Variants in SNRNP70 observed in about 807,000 individuals in gnomAD.
SNRNP70 encodes small nuclear ribonucleoprotein U1 subunit 70, also known as U1 small nuclear ribonucleoprotein 70 kDa.
Under a neutral mutation model 50.5 loss-of-function variants are expected in SNRNP70, and 8 were observed. That is an observed-to-expected ratio of 0.16 (90% CI 0.09 to 0.29). The LOEUF (loss-of-function observed/expected upper bound fraction) is 0.29, where lower values mean the gene tolerates loss of function less well. SNRNP70 is among the 10% of genes least tolerant of loss of function. The pLI is 1.00. For missense variants in SNRNP70, 529 were observed against 663.5 expected (o/e 0.80, Z 2.23); for synonymous variants, 320 against 252.9 (o/e 1.27, Z -2.52).
chr19:49,107,749 G>A lies in SNRNP70; in HGVS notation c.665+37G>A, dbSNP rs369870893. 2.0e-5 allele frequency: 32 copies of A among 1,612,530 alleles called. No homozygotes were observed. Among genetic ancestry groups the A allele is most frequent in the Middle Eastern group, 3.3e-4 (2 of 6,056 alleles). On this transcript the variant is annotated intron_variant, in intron 9 of 9. Coordinates refer to ENST00000598441, the MANE Select transcript of SNRNP70 (RefSeq NM_003089.6). The surrounding 1 kb of genome is among the most constrained non-coding windows in gnomAD (Gnocchi z 6.0). Reference sequence around the variant, plus strand: ...CGACCGGTGTCCTGGGGTGGGGGGCGGTCACGGGGGGAGCCCAGCCACACA... The same window carrying A: ...CGACCGGTGTCCTGGGGTGGGGGGCAGTCACGGGGGGAGCCCAGCCACACA...
At chr19:49,096,084 T>G (rs544683868) in intron 4 of SNRNP70, among the ~76,000 whole-genome samples, 5 of 151,826 alleles carry the variant, frequency 3.3e-5, no homozygotes, top group East Asian at 1.9e-4. Context: ...TTTGTTTTTT[T>G]TTTCGCTTTA....
chr19:49,098,298 C>T, intron 4 of SNRNP70, 129 bp from the exon 5 acceptor site: 1 of 747,298 alleles, frequency 1.3e-6, no homozygotes, highest in Admixed American at 2.3e-5. Flanking sequence ...AGGTCACCAC[C>T]CATGTTCCTC....
chr19:49,098,464 C>T lies in SNRNP70; in HGVS notation c.303C>T (p.Ala101=), dbSNP rs755034140. ...PHNDPNAQGD[A]FKTLFVARVN... ...ATGATCCCAATGCTCAGGGGGATGC[C>T]TTCAAGACTCTCTTCGTGGCGAGAG... The change falls in exon 5 of 10, where the codon GCC becomes GCT. Residue 101 remains alanine, a synonymous_variant. Transcript: ENST00000598441. 14 of 1,613,784 alleles carry T rather than the reference C, an allele frequency of 8.7e-6. No individual in the cohort carries two copies. The highest frequency in any genetic ancestry group is 1.2e-5 in the Non-Finnish European group (14 of 1,179,894).
In SNRNP70 at chr19:49,108,311, T is replaced by G. The variant is rs1600297572; in HGVS notation, c.1182T>G (p.Gly394=). The change falls in exon 10 of 10, where the codon GGT becomes GGG. Residue 394 remains glycine (G), a synonymous_variant. Coordinates refer to ENST00000598441, the MANE Select transcript of SNRNP70 (RefSeq NM_003089.6). ...GSERGRDEAR[G]GGGGQDNGLE... is the part of the protein sequence containing the mutation. ...AGCGGGGCAGGGATGAGGCCCGAGG[T>G]GGGGGCGGTGGCCAGGACAACGGGC... The G allele has an allele frequency of 6.3e-7, 1 of 1,585,298 alleles. No individual in the cohort carries two copies. Among genetic ancestry groups the G allele is most frequent in the Non-Finnish European group, 8.6e-7 (1 of 1,167,164 alleles).
At chr19:49,105,499 C>T (rs895012537) in intron 8 of SNRNP70, among the ~76,000 whole-genome samples, 7 of 151,822 alleles carry the variant, frequency 4.6e-5, no homozygotes, top group African/African-American at 1.2e-4. Context: ...GAGGCCGAGG[C>T]GGGTGGATCA....
At chr19:49,087,681 C>T (rs4802552) in intron 2 of SNRNP70, 52,621 of 152,000 alleles carry the variant, frequency 0.35, 9,626 homozygotes, top group South Asian at 0.46. Context: ...AGCTGGCACA[C>T]AGTCGGAAGT....
At position 49,104,609 on chromosome 19, in the gene SNRNP70, C is replaced by T. The variant is rs1222617824; in HGVS notation, c.476-25C>T. The stretch of plus-strand genomic sequence containing the variant: ...AGGACCCTCTGGGGACTCCTCTCCC[C>T]TCCCCCTCCCCACATCTGTTACAGC... On this transcript the variant is annotated intron_variant, in intron 7 of 9. Coordinates refer to ENST00000598441, the MANE Select transcript of SNRNP70 (RefSeq NM_003089.6). The surrounding 1 kb of genome is among the most constrained non-coding windows in gnomAD (Gnocchi z 5.4). 2 of 1,532,046 alleles carry T rather than the reference C, an allele frequency of 1.3e-6. No homozygotes were observed. Among genetic ancestry groups the T allele is most frequent in the Non-Finnish European group, 8.9e-7 (1 of 1,129,564 alleles). 94.9% of individuals were successfully genotyped at this position (1,532,046 alleles called of 1,614,324 possible). A position where few individuals can be genotyped will look rare whatever the true frequency, so the allele number is the denominator to read the frequency against.
At chr19:49,098,128 A>C (rs891075990) in intron 4 of SNRNP70, among the ~76,000 whole-genome samples, 1 of 152,166 alleles carries the variant, frequency 6.6e-6, no homozygotes, top group Non-Finnish European at 1.5e-5. Context: ...CTTAGGGTTT[A>C]TGTAGGTCTG....
At position 49,098,438 on chromosome 19, in the gene SNRNP70, A is replaced by G; in HGVS notation, c.277A>G (p.Asn93Asp). Reference protein sequence around the residue: ...ETELKMWDPHNDPNAQGDAFK... With the variant: ...ETELKMWDPHDDPNAQGDAFK... ...TTCTTCCTGCACAGGGGACCCTCAC[A>G]ATGATCCCAATGCTCAGGGGGATGC... is the stretch of plus-strand genomic sequence containing the variant. The change falls in exon 5 of 10, where the codon AAT becomes GAT. Residue 93 changes from asparagine to aspartate, a missense_variant. This residue lies in a region of SNRNP70 where 149 missense variants were observed against 259.7 expected (regional missense o/e 0.57). Transcript: ENST00000598441. 2 of 1,613,192 alleles carry G rather than the reference A, an allele frequency of 1.2e-6. No homozygotes were observed. Among genetic ancestry groups the G allele is most frequent in the Non-Finnish European group, 8.5e-7 (1 of 1,179,482 alleles).
chr19:49,107,906 C>G lies in SNRNP70; in HGVS notation c.777C>G (p.Ser259=). The G allele has an allele frequency of 1.3e-6, 2 of 1,548,268 alleles. No homozygotes were observed. Among genetic ancestry groups the G allele is most frequent in the Non-Finnish European group, 1.7e-6 (2 of 1,146,744 alleles). Residue 259 remains serine (S), a synonymous_variant, in exon 10 of 10, where the codon TCC becomes TCG. Coordinates refer to ENST00000598441, the MANE Select transcript of SNRNP70 (RefSeq NM_003089.6). The surrounding 1 kb of genome is among the most constrained non-coding windows in gnomAD (Gnocchi z 6.0). ...DKERERRRSR[S]RDRRRRSRSR... is the part of the protein sequence containing the mutation. ...AGCGAGAACGGCGACGCTCCCGCTC[C>G]CGGGACCGGCGGAGGCGCTCACGGA...
chr19:49,095,534 A>G (rs944252547), intron 4 of SNRNP70, among the ~76,000 whole-genome samples: 2 of 138,744 alleles, frequency 1.4e-5, no homozygotes, highest in African/African-American at 2.7e-5. Flanking sequence ...GAGGGTAGAC[A>G]CCTTTTTTTT....
At chr19:49,101,964 G>A in intron 7 of SNRNP70, 1 of 408,994 alleles carries the variant, frequency 2.4e-6, no homozygotes, top group Non-Finnish European at 4.9e-6. Flanking sequence ...GGGGTGATAG[G>A]CATGTTGAGC....
chr19:49,100,194 G>A (rs1166196194), intron 6 of SNRNP70, among the ~76,000 whole-genome samples: 2 of 152,158 alleles, frequency 1.3e-5, no homozygotes, highest in Non-Finnish European at 2.9e-5. Context: ...GGTTCATTCT[G>A]GCCACCTCTG....
rs780933247 is a variant in SNRNP70, at chr19:49,107,743, G to A, written c.665+31G>A. 4.3e-6 allele frequency: 7 copies of A among 1,613,336 alleles called. No homozygotes were observed. Among genetic ancestry groups the A allele is most frequent in the Non-Finnish European group, 5.9e-6 (7 of 1,179,868 alleles). On this transcript the variant is annotated intron_variant, in intron 9 of 9. Transcript: ENST00000598441. This position sits in a 1 kb window ranked among gnomAD's most constrained non-coding sequence, Gnocchi z 6.0. ...ATTGGGCGACCGGTGTCCTGGGGTG[G>A]GGGGCGGTCACGGGGGGAGCCCAGC...
rs199690714 is a variant in SNRNP70, at chr19:49,108,318, G to A, written c.1189G>A (p.Gly397Ser). ...CAGGGATGAGGCCCGAGGTGGGGGC[G>A]GTGGCCAGGACAACGGGCTGGAGGG... Reference protein sequence around the residue: ...RGRDEARGGGGGQDNGLEGLG... With the variant: ...RGRDEARGGGSGQDNGLEGLG... Residue 397 changes from glycine (G) to serine (S), a missense_variant, in exon 10 of 10, where the codon GGT becomes AGT. Physicochemically the swap from Gly to Ser is moderately conservative, Grantham distance 56. Transcript: ENST00000598441. 12 of 1,594,256 alleles carry A rather than the reference G, an allele frequency of 7.5e-6. No homozygotes were observed. In the African/African-American group the frequency reaches 1.5e-4, roughly 20 times the overall value.
chr19:49,091,443 ATACT>A (rs758574981), intron 4 of SNRNP70, among the ~76,000 whole-genome samples: 1 of 152,070 alleles, frequency 6.6e-6, no homozygotes, highest in Non-Finnish European at 1.5e-5. Context: ...AGATGCACAA[ATACT>A]TACTATTGTG....
chr19:49,096,401 G>A (rs1326234034), intron 4 of SNRNP70, among the ~76,000 whole-genome samples: 1 of 152,138 alleles, frequency 6.6e-6, no homozygotes, highest in African/African-American at 2.4e-5. Flanking sequence ...CTGAGATGGA[G>A]TTGTTTTCAG....
intron 2 of SNRNP70, 56 bp downstream of exon 2, chr19:49,086,617 A>G: frequency 1.3e-6 from 2 of 1,547,116 alleles, no homozygotes; most frequent in Non-Finnish European, 1.8e-6. Flanking sequence ...AACGGGTTGG[A>G]TTTGCGAGTC....
chr19:49,093,704 A>AC (rs2040478855), intron 4 of SNRNP70, among the ~76,000 whole-genome samples: 1 of 149,000 alleles, frequency 6.7e-6, no homozygotes, highest in Admixed American at 6.7e-5. Flanking sequence ...AAAAAAAAAA[A>AC]CAGTTCCAGG....
Sources: gnomAD v4.1 joint callset for allele counts (sites outside exome capture counted in the v4.1 genomes callset) on GRCh38, gnomAD v4.1.1 for gene constraint, gnomAD v4.1.1 regional missense constraint, Gnocchi (gnomAD v3.1) non-coding constraint, MANE v1.5 for transcripts, NCBI Gene and HGNC (gene_info 2026-07-23, HGNC 2026-07-21) for gene names.